LHPP: variants seen among roughly 807,000 people sequenced by gnomAD.
LHPP encodes phospholysine phosphohistidine inorganic pyrophosphate phosphatase.
Under a neutral mutation model 30.3 loss-of-function variants are expected in LHPP, and 24 were observed. The ratio of observed to expected loss-of-function variants is 0.79; its 90% confidence interval spans 0.57 to 1.11. The LOEUF (loss-of-function observed/expected upper bound fraction) is 1.11, where lower values mean the gene tolerates loss of function less well. LHPP is among the 50% of genes most tolerant of loss of function. The pLI is 0.00. For synonymous variants in LHPP, 150 were observed against 157.1 expected, an observed-to-expected ratio of 0.95 and a Z score of 0.34; for missense variants, 356 against 367.2, an observed-to-expected ratio of 0.97 and a Z score of 0.25.
At chr10:124,599,638 G>A (rs560899655) in intron 6 of LHPP, among the ~76,000 whole-genome samples, 1 of 152,338 alleles carries the variant, frequency 6.6e-6, no homozygotes, top group Non-Finnish European at 1.5e-5. Context: ...GGGAGGCCTG[G>A]CTCTCAAAGC....
At chr10:124,464,950 A>T (rs1358922115) in intron 1 of LHPP, among the ~76,000 whole-genome samples, 2 of 152,186 alleles carry the variant, frequency 1.3e-5, no homozygotes, top group East Asian at 3.8e-4. Flanking sequence ...GTAGGGGAGT[A>T]TTAGGGTCTG....
chr10:124,580,202 T>C (rs552123451), intron 6 of LHPP, among the ~76,000 whole-genome samples: 9 of 152,260 alleles, frequency 5.9e-5, no homozygotes, highest in Non-Finnish European at 1.0e-4. Context: ...CTGCTCCCAG[T>C]CTGTGGTTTG....
Position 124,517,127 on chromosome 10 carries a change from G to T in LHPP, c.625-53G>T. On this transcript the variant is annotated intron_variant, in intron 5 of 6. Transcript: ENST00000368842. This position sits in a 1 kb window ranked among gnomAD's most constrained non-coding sequence, Gnocchi z 4.1. ...ATGTCAAAAAAAGATGAAGGAGCCC[G>T]GGAATAAAACTCTCCTGACATCACT... 1 of 1,235,160 alleles carries T rather than the reference G, an allele frequency of 8.1e-7. No homozygotes were observed. Among genetic ancestry groups the T allele is most frequent in the South Asian group, 1.5e-5 (1 of 68,376 alleles). 76.5% of individuals were successfully genotyped at this position (1,235,160 alleles called of 1,614,324 possible).
Position 124,613,352 on chromosome 10 carries a change from G to T in LHPP, c.805G>T (p.Asp269Tyr). Residue 269 changes from aspartate (D) to tyrosine (Y), a missense_variant, in exon 7 of 7, where the codon GAC becomes TAC. Physicochemically the swap from Asp to Tyr is radical, Grantham distance 160 (BLOSUM62 -3). Transcript: ENST00000368842. ...AGTGGACCTGCTGCTGCAGCACGCC[G>T]ACAAGTGATGGCCTCCTGGGAGAGC... ...EAVDLLLQHA[D>Y]K 1.9e-6 allele frequency: 3 copies of T among 1,611,302 alleles called. No homozygotes were observed. The highest frequency in any genetic ancestry group is 2.5e-6 in the Non-Finnish European group (3 of 1,178,966).
At chr10:124,568,850 T>G (rs1948538366) in intron 6 of LHPP, among the ~76,000 whole-genome samples, 1 of 152,208 alleles carries the variant, frequency 6.6e-6, no homozygotes, top group Non-Finnish European at 1.5e-5. Context: ...TGGCCTTTTC[T>G]GTGTGCTATA....
intron 6 of LHPP, among the ~76,000 whole-genome samples, chr10:124,587,455 C>T (rs958230208): frequency 6.6e-6 from 1 of 151,660 alleles, no homozygotes; most frequent in Non-Finnish European, 1.5e-5. Flanking sequence ...CCAAATCCAC[C>T]CTGAGGCAGG....
intron 6 of LHPP, among the ~76,000 whole-genome samples, chr10:124,528,305 T>C (rs923009296): frequency 1.1e-4 from 17 of 152,244 alleles, no homozygotes; most frequent in Non-Finnish European, 2.2e-4. Context: ...CACATGGTCA[T>C]GGTGGCTTTC....
chr10:124,572,061 T>C (rs1431028605), intron 6 of LHPP, among the ~76,000 whole-genome samples: 3 of 152,022 alleles, frequency 2.0e-5, no homozygotes, highest in African/African-American at 7.2e-5. Flanking sequence ...CTCAGGTGGC[T>C]GGAGGGGTAG....
intron 6 of LHPP, among the ~76,000 whole-genome samples, chr10:124,553,603 T>C (rs1287659898): frequency 2.0e-5 from 3 of 151,994 alleles, no homozygotes; most frequent in Non-Finnish European, 2.9e-5. Flanking sequence ...GGACTACAGG[T>C]GCCCGCCACC....
intron 1 of LHPP, among the ~76,000 whole-genome samples, chr10:124,465,536 C>T (rs1453116992): frequency 6.6e-6 from 1 of 152,184 alleles, no homozygotes; most frequent in African/African-American, 2.4e-5. Context: ...AACGAACAAG[C>T]AGCCCAATAG....
intron 6 of LHPP, among the ~76,000 whole-genome samples, chr10:124,533,867 C>T (rs918451471): frequency 5.3e-5 from 8 of 152,114 alleles, no homozygotes; most frequent in South Asian, 2.1e-4. Flanking sequence ...CTCAGGGGTG[C>T]GCGAGGAGGA....
At chr10:124,551,524 G>C (rs559274219) in intron 6 of LHPP, among the ~76,000 whole-genome samples, 1 of 152,312 alleles carries the variant, frequency 6.6e-6, no homozygotes, top group East Asian at 1.9e-4. Context: ...AGGACCCTCG[G>C]GGTGGAGGCT....
intron 6 of LHPP, among the ~76,000 whole-genome samples, chr10:124,604,607 G>A (rs918618799): frequency 6.6e-6 from 1 of 152,124 alleles, no homozygotes; most frequent in African/African-American, 2.4e-5. Flanking sequence ...GGGGGTCTTG[G>A]GCTCCTGGGG....
chr10:124,504,687 G>A (rs1349296805), intron 5 of LHPP, among the ~76,000 whole-genome samples: 1 of 152,090 alleles, frequency 6.6e-6, no homozygotes, highest in Non-Finnish European at 1.5e-5. Flanking sequence ...GAGGAGACGA[G>A]ACTGGCTGTC....
chr10:124,503,441 A>T (rs1953971285), intron 5 of LHPP, among the ~76,000 whole-genome samples: 1 of 151,974 alleles, frequency 6.6e-6, no homozygotes, highest in Admixed American at 6.5e-5. Flanking sequence ...AAGATCGGAC[A>T]CCCCTGCTCT....
chr10:124,497,100 G>C, intron 4 of LHPP, 76 bp downstream of exon 4: 1 of 1,176,864 alleles, frequency 8.5e-7, no homozygotes. Context: ...TTGTTGAGAA[G>C]AGGCTGTGCT....
chr10:124,482,756 C>T (rs1165313804), intron 1 of LHPP, among the ~76,000 whole-genome samples: 1 of 152,164 alleles, frequency 6.6e-6, no homozygotes, highest in Non-Finnish European at 1.5e-5. Context: ...TCTTGCTTCC[C>T]CAGGGAGGCC....
At chr10:124,581,456 A>C (rs984364996) in intron 6 of LHPP, among the ~76,000 whole-genome samples, 2 of 152,200 alleles carry the variant, frequency 1.3e-5, no homozygotes, top group Admixed American at 6.5e-5. Context: ...ATCTATTTTT[A>C]ATCACTTGAG....
At chr10:124,575,917 G>T (rs12416566) in intron 6 of LHPP, among the ~76,000 whole-genome samples, 9,579 of 152,260 alleles carry the variant, frequency 0.063, 397 homozygotes, top group East Asian at 0.13. Context: ...AGCCAGGGCT[G>T]GGTGAGGACC....
Sources: allele counts gnomAD v4.1 joint callset (sites outside exome capture counted in the v4.1 genomes callset), GRCh38; gene constraint gnomAD v4.1.1; non-coding constraint Gnocchi (gnomAD v3.1); transcripts MANE v1.5; gene names NCBI Gene and HGNC (gene_info 2026-07-23, HGNC 2026-07-21).